Variants in PARD3B observed in about 807,000 individuals in gnomAD.
The protein encoded by PARD3B is partitioning defective 3 homolog B.
A neutral mutation model predicts 130.2 loss-of-function variants in PARD3B; 103 were observed. The observed-to-expected ratio is 0.79, with a 90% CI of 0.67 to 0.93. The LOEUF (loss-of-function observed/expected upper bound fraction) is 0.93. Among genes scored for constraint, PARD3B ranks in the 40% least tolerant of loss-of-function variants. PARD3B has a pLI of 0.00. For missense variants in PARD3B, 1,609 were observed against 1,499.2 expected (o/e 1.07, Z -1.21); for synonymous variants, 583 against 553.2 (o/e 1.05, Z -0.76).
intron 2 of PARD3B, among the ~76,000 whole-genome samples, chr2:204,786,113 C>CA (rs56704816): frequency 0.024 from 2,260 of 93,932 alleles, 87 homozygotes; most frequent in African/African-American, 0.082. Context: ...GACTCCATCT[C>CA]AAAAAAAAAA....
intron 15 of PARD3B, among the ~76,000 whole-genome samples, chr2:205,233,491 A>G (rs2038932634): frequency 6.6e-6 from 1 of 152,124 alleles, no homozygotes; most frequent in Admixed American, 6.6e-5. Flanking sequence ...TATAAGGTTA[A>G]TTGTTTAAAC....
Position 205,300,586 on chromosome 2 carries a change from G to T in PARD3B, c.2242G>T (p.Glu748Ter). The change falls in exon 17 of 23, where the codon GAG becomes TAG. Residue 748 changes from glutamate to a stop codon, truncating the protein, a stop_gained. Transcript: ENST00000406610. LOFTEE classifies it high-confidence loss of function. The surrounding 1 kb of genome is among the most constrained non-coding windows in gnomAD (Gnocchi z 4.1). ...GGGTTTGAAAAAGTCCAGCTCCTTGGAGAGTCTGCAGACTGCAGTGGCCGA... is the reference window on the plus strand; with the variant it reads ...GGGTTTGAAAAAGTCCAGCTCCTTGTAGAGTCTGCAGACTGCAGTGGCCGA... Reference protein sequence around the residue: ...TLGLKKSSSLESLQTAVAEVR... With the variant: ...TLGLKKSSSL The T allele has an allele frequency of 6.2e-7, 1 of 1,613,894 alleles. No individual in the cohort carries two copies. The highest frequency in any genetic ancestry group is 8.5e-7 in the Non-Finnish European group (1 of 1,180,002).
At chr2:205,448,593 T>A (rs2047988742) in intron 20 of PARD3B, among the ~76,000 whole-genome samples, 1 of 152,204 alleles carries the variant, frequency 6.6e-6, no homozygotes, top group Non-Finnish European at 1.5e-5. Flanking sequence ...TGTACTCCAA[T>A]GTATTTGTTA....
intron 5 of PARD3B, among the ~76,000 whole-genome samples, chr2:205,112,646 A>G (rs1703725813): frequency 6.6e-6 from 1 of 152,094 alleles, no homozygotes; most frequent in African/African-American, 2.4e-5. Context: ...TAACGGAGCC[A>G]GTAATTGTTC....
chr2:205,503,138 A>G (rs1297757904), intron 21 of PARD3B, among the ~76,000 whole-genome samples: 1 of 152,010 alleles, frequency 6.6e-6, no homozygotes, highest in Non-Finnish European at 1.5e-5. Flanking sequence ...CTTAGTGTAG[A>G]CCAGGTGCTG....
At chr2:205,517,844 A>G (rs955549440) in intron 21 of PARD3B, among the ~76,000 whole-genome samples, 2 of 152,176 alleles carry the variant, frequency 1.3e-5, no homozygotes, top group Admixed American at 6.5e-5. Context: ...TTATTTGCCA[A>G]GAAGTCACTC....
At position 204,545,723 on chromosome 2, in the gene PARD3B, G is replaced by T; in HGVS notation, c.-277G>T. On this transcript the variant is annotated 5_prime_UTR_variant, in exon 1 of 23. The change creates a new upstream start codon in the 5' untranslated region. Transcript: ENST00000406610. ...GGCAGGAGTAGGAGCGGGAGGAGGAGGAGGAGGAGCCGGTGCCGCGGAGCT... is the reference window on the plus strand; with the variant it reads ...GGCAGGAGTAGGAGCGGGAGGAGGATGAGGAGGAGCCGGTGCCGCGGAGCT... The T allele has an allele frequency of 5.5e-6, 1 of 183,146 alleles. No individual in the cohort carries two copies. The highest frequency in any genetic ancestry group is 8.5e-6 in the Non-Finnish European group (1 of 117,784). 11.3% of individuals were successfully genotyped at this position (183,146 alleles called of 1,614,324 possible).
intron 15 of PARD3B, among the ~76,000 whole-genome samples, chr2:205,205,406 C>T (rs989737773): frequency 6.6e-6 from 1 of 152,152 alleles, no homozygotes; most frequent in African/African-American, 2.4e-5. Flanking sequence ...GATAATTTGA[C>T]TTCCTGTCTT....
intron 13 of PARD3B, among the ~76,000 whole-genome samples, chr2:205,177,580 A>G (rs1411156455): frequency 6.6e-6 from 1 of 152,216 alleles, no homozygotes; most frequent in Non-Finnish European, 1.5e-5. Flanking sequence ...TGTTATCATA[A>G]TTTAACTATG....
chr2:205,450,629 A>G (rs893780888), intron 20 of PARD3B, among the ~76,000 whole-genome samples: 5 of 151,660 alleles, frequency 3.3e-5, no homozygotes, highest in African/African-American at 1.2e-4. Context: ...GCCTGCCACC[A>G]CATCCGGCTA....
intron 2 of PARD3B, among the ~76,000 whole-genome samples, chr2:204,845,637 T>C (rs1409082251): frequency 6.6e-6 from 1 of 152,080 alleles, no homozygotes; most frequent in African/African-American, 2.4e-5. Context: ...TATAAGAGTA[T>C]GGCTGATTTC....
chr2:204,635,038 A>C (rs190351679), intron 1 of PARD3B, among the ~76,000 whole-genome samples: 1 of 152,272 alleles, frequency 6.6e-6, no homozygotes, highest in African/African-American at 2.4e-5. Context: ...AGAGGTGACT[A>C]TTGAGCACCT....
At chr2:205,411,636 C>G (rs2046602732) in intron 19 of PARD3B, among the ~76,000 whole-genome samples, 1 of 152,168 alleles carries the variant, frequency 6.6e-6, no homozygotes. Flanking sequence ...GCCTAGAATG[C>G]TCTGAGACAC....
chr2:205,324,143 C>T (rs969475340), intron 18 of PARD3B, among the ~76,000 whole-genome samples: 2 of 152,116 alleles, frequency 1.3e-5, no homozygotes, highest in Non-Finnish European at 2.9e-5. Flanking sequence ...AATATCATAC[C>T]TGGCCATTAG....
At chr2:204,739,860 T>G (rs2039922277) in intron 2 of PARD3B, among the ~76,000 whole-genome samples, 1 of 152,120 alleles carries the variant, frequency 6.6e-6, no homozygotes, top group African/African-American at 2.4e-5. Flanking sequence ...GGCATTTCCT[T>G]TTTAAGAATA....
At chr2:205,205,846 G>T (rs1457199627) in intron 15 of PARD3B, among the ~76,000 whole-genome samples, 1 of 152,160 alleles carries the variant, frequency 6.6e-6, no homozygotes, top group Non-Finnish European at 1.5e-5. Context: ...GATTTGGTTT[G>T]CCAGTATTTT....
chr2:204,809,291 G>C (rs140417824), intron 2 of PARD3B, among the ~76,000 whole-genome samples: 1 of 151,982 alleles, frequency 6.6e-6, no homozygotes, highest in Admixed American at 6.6e-5. Flanking sequence ...TACATCCCAT[G>C]TGTCAATTTT....
At chr2:205,605,403 G>T (rs2054949995) in intron 22 of PARD3B, among the ~76,000 whole-genome samples, 1 of 152,278 alleles carries the variant, frequency 6.6e-6, no homozygotes, top group East Asian at 1.9e-4. Context: ...TTTTTATGGG[G>T]TTTTTTGTTG....
intron 2 of PARD3B, among the ~76,000 whole-genome samples, chr2:204,880,943 A>T (rs1398856514): frequency 2.0e-5 from 3 of 152,198 alleles, no homozygotes; most frequent in Non-Finnish European, 4.4e-5. Flanking sequence ...ATTTTATCAT[A>T]TTTCATTAAG....
Sources: gnomAD v4.1 joint callset for allele counts (sites outside exome capture counted in the v4.1 genomes callset) on GRCh38, gnomAD v4.1.1 for gene constraint, Gnocchi (gnomAD v3.1) non-coding constraint, MANE v1.5 for transcripts, NCBI Gene and HGNC (gene_info 2026-07-23, HGNC 2026-07-21) for gene names.